Variants in SLC35F4 observed in about 807,000 individuals in gnomAD.
The protein encoded by SLC35F4 is solute carrier family 35 member F4.
A neutral mutation model predicts 44.2 loss-of-function variants in SLC35F4; 24 were observed. The observed-to-expected ratio is 0.54, with a 90% confidence interval of 0.39 to 0.76. The LOEUF (loss-of-function observed/expected upper bound fraction) is 0.76. Among genes scored for constraint, SLC35F4 ranks in the 30% least tolerant of loss-of-function variants. The pLI is 0.00. For missense variants in SLC35F4, 562 were observed against 586.1 expected, an observed-to-expected ratio of 0.96 and a Z score of 0.42; for synonymous variants, 238 against 223.6, an observed-to-expected ratio of 1.06 and a Z score of -0.57.
intron 1 of SLC35F4, among the ~76,000 whole-genome samples, chr14:57,728,433 C>CT (rs2076260162): frequency 9.6e-6 from 1 of 104,386 alleles, no homozygotes; most frequent in Admixed American, 1.2e-4. Context: ...CTTCTTTTTT[C>CT]TTTCTTTCTT....
At chr14:57,747,038 TTTAAA>T (rs1432056671) in intron 1 of SLC35F4, among the ~76,000 whole-genome samples, 1 of 152,146 alleles carries the variant, frequency 6.6e-6, no homozygotes, top group African/African-American at 2.4e-5. Flanking sequence ...AACTGAGATT[TTTAAA>T]AATATACAGT....
chr14:57,834,821 ACCAGCATGG>A (rs1027796068), intron 1 of SLC35F4, among the ~76,000 whole-genome samples: 25 of 152,268 alleles, frequency 1.6e-4, no homozygotes, highest in South Asian at 6.2e-4. Context: ...GGAGTTCGAG[ACCAGCATGG>A]CCAGCATGGC....
intron 1 of SLC35F4, among the ~76,000 whole-genome samples, chr14:57,839,515 A>G (rs1482551673): frequency 6.6e-6 from 1 of 152,186 alleles, no homozygotes; most frequent in Admixed American, 6.5e-5. Flanking sequence ...CTCGTTTGTA[A>G]GTAGGAGCTG....
chr14:57,724,746 G>T (rs147380226), intron 1 of SLC35F4, among the ~76,000 whole-genome samples: 3,502 of 152,272 alleles, frequency 0.023, 130 homozygotes, highest in African/African-American at 0.079. Flanking sequence ...AGATGGTTCT[G>T]CACGATATGC....
chr14:57,728,974 T>C (rs1283729085), intron 1 of SLC35F4, among the ~76,000 whole-genome samples: 1 of 152,216 alleles, frequency 6.6e-6, no homozygotes, highest in Admixed American at 6.5e-5. Context: ...TTTAAATATG[T>C]AATGCCACTC....
chr14:57,755,504 G>T (rs899571567), intron 1 of SLC35F4, among the ~76,000 whole-genome samples: 2 of 152,022 alleles, frequency 1.3e-5, no homozygotes, highest in Non-Finnish European at 2.9e-5. Flanking sequence ...AGGAAGACTG[G>T]GTTGATCATA....
chr14:57,954,948 TAAAAAAA>T (rs35919238), intron 1 of SLC35F4, among the ~76,000 whole-genome samples: 1 of 107,104 alleles, frequency 9.3e-6, no homozygotes, highest in Non-Finnish European at 2.0e-5. Context: ...TCATCCTGAT[TAAAAAAA>T]AAAAAAAAAA....
downstream of SLC35F4, among the ~76,000 whole-genome samples, chr14:57,976,293 A>G (rs1188361858): frequency 6.6e-6 from 1 of 152,246 alleles, no homozygotes; most frequent in East Asian, 1.9e-4. Context: ...TTGAAAAGCA[A>G]TTGTATTCCT....
At chr14:57,619,169 C>A (rs1397748477) in intron 1 of SLC35F4, among the ~76,000 whole-genome samples, 1 of 152,192 alleles carries the variant, frequency 6.6e-6, no homozygotes. Context: ...AGCGGATCTC[C>A]CAGCACAGCA....
chr14:57,667,057 T>A (rs901086692), intron 1 of SLC35F4, among the ~76,000 whole-genome samples: 2 of 151,500 alleles, frequency 1.3e-5, no homozygotes, highest in African/African-American at 4.9e-5. Context: ...GAGTTAGGCC[T>A]TCCGGGAAGA....
At chr14:57,722,062 ACTG>A (rs1454692719) in intron 1 of SLC35F4, among the ~76,000 whole-genome samples, 1 of 152,158 alleles carries the variant, frequency 6.6e-6, no homozygotes, top group Non-Finnish European at 1.5e-5. Flanking sequence ...CTCAAAAAGA[ACTG>A]CTTGAGTTTT....
intron 1 of SLC35F4, among the ~76,000 whole-genome samples, chr14:57,697,282 C>T (rs977769150): frequency 2.6e-5 from 4 of 151,984 alleles, no homozygotes; most frequent in African/African-American, 9.7e-5. Context: ...TTTCAAATGT[C>T]TTTTTGTTAT....
intron 1 of SLC35F4, among the ~76,000 whole-genome samples, chr14:57,927,010 G>C (rs1222804832): frequency 6.6e-6 from 1 of 152,158 alleles, no homozygotes; most frequent in Non-Finnish European, 1.5e-5. Flanking sequence ...CCAGACTTAA[G>C]AATGAAGGCC....
chr14:57,656,374 TATACACACACACAC>T (rs1485272603), intron 1 of SLC35F4, among the ~76,000 whole-genome samples: 197 of 125,776 alleles, frequency 1.6e-3, no homozygotes, highest in African/African-American at 4.9e-3. Flanking sequence ...TATATATATA[TATACACACACACAC>T]ACACACACAC....
chr14:57,689,454 T>C (rs1045373742), intron 1 of SLC35F4, among the ~76,000 whole-genome samples: 1 of 152,056 alleles, frequency 6.6e-6, no homozygotes, highest in Non-Finnish European at 1.5e-5. Flanking sequence ...GCTATTCAAA[T>C]AGCAACAAAC....
intron 1 of SLC35F4, among the ~76,000 whole-genome samples, chr14:57,860,725 T>C (rs1887610621): frequency 6.6e-6 from 1 of 152,204 alleles, no homozygotes; most frequent in Non-Finnish European, 1.5e-5. Flanking sequence ...CTTATGGAAA[T>C]GAATTAAATT....
chr14:57,791,741 A>G (rs1277732106), intron 1 of SLC35F4, among the ~76,000 whole-genome samples: 1 of 152,222 alleles, frequency 6.6e-6, no homozygotes, highest in African/African-American at 2.4e-5. Flanking sequence ...TAGACTGGAT[A>G]AAGAAAATGG....
intron 1 of SLC35F4, among the ~76,000 whole-genome samples, chr14:57,639,177 A>T (rs1023923663): frequency 2.0e-5 from 3 of 152,110 alleles, no homozygotes. Context: ...CTCATTAGCT[A>T]AGTTAGATTA....
chr14:57,580,532 C>A (rs1188911434), intron 4 of SLC35F4: 1 of 391,412 alleles, frequency 2.6e-6, no homozygotes, highest in East Asian at 8.3e-5. Context: ...TCAGGGCTTC[C>A]CAGCAATCTA....
Sources: gnomAD v4.1 joint callset for allele counts (sites outside exome capture counted in the v4.1 genomes callset) on GRCh38, gnomAD v4.1.1 for gene constraint, MANE v1.5 for transcripts, NCBI Gene and HGNC (gene_info 2026-07-23, HGNC 2026-07-21) for gene names.